DLC1: variants seen among roughly 807,000 people sequenced by gnomAD.
DLC1 encodes DLC1 Rho GTPase activating protein.
Under a neutral mutation model 140.3 loss-of-function variants are expected in DLC1, and 54 were observed. The ratio of observed to expected loss-of-function variants is 0.38; its 90% confidence interval spans 0.31 to 0.48. DLC1 has a LOEUF of 0.48. Among genes scored for constraint, DLC1 ranks in the 20% least tolerant of loss-of-function variants. DLC1 has a pLI of 0.96. For synonymous variants in DLC1, 986 were observed against 728.1 expected (o/e 1.35, Z -5.70); for missense variants, 2,536 against 1,907.0 (o/e 1.33, Z -6.14).
intron 2 of DLC1, among the ~76,000 whole-genome samples, chr8:13,442,797 G>A (rs1375640566): frequency 2.0e-5 from 3 of 152,214 alleles, no homozygotes; most frequent in Admixed American, 6.5e-5. Context: ...TCAGTGTGGT[G>A]ATTCCTCTGG....
At chr8:13,138,998 A>C (rs1485473003) in intron 5 of DLC1, among the ~76,000 whole-genome samples, 2 of 152,254 alleles carry the variant, frequency 1.3e-5, no homozygotes, top group African/African-American at 4.8e-5. Context: ...TTTTTAAGAG[A>C]GAGAAGCTGG....
Position 13,083,483 on chromosome 8 carries a change from C to A in DLC1, c.*2328G>T, listed in dbSNP as rs557875635. ...GCCCTCAAAGAGCTTACAATCTAGG[C>A]AATTAGTCACACAAATAAGTTGTGA... On this transcript the variant is annotated 3_prime_UTR_variant, in exon 18 of 18. Transcript: ENST00000276297. 14 of 152,202 alleles carry A rather than the reference C, an allele frequency of 9.2e-5. No homozygotes were observed. Among genetic ancestry groups the A allele is most frequent in the African/African-American group, 3.4e-4 (14 of 41,526 alleles). The allele number at this position is 152,202 out of a possible 1,614,324, so 9.4% of individuals were successfully genotyped here. A position where few individuals can be genotyped will look rare whatever the true frequency, so the allele number is the denominator to read the frequency against.
intron 1 of DLC1, among the ~76,000 whole-genome samples, chr8:13,526,138 C>A (rs1161479228): frequency 2.6e-5 from 4 of 152,124 alleles, no homozygotes; most frequent in Non-Finnish European, 4.4e-5. Flanking sequence ...ATGTGTCTTC[C>A]TGTTTCTAAA....
chr8:13,245,158 A>G (rs1221208374), intron 5 of DLC1, among the ~76,000 whole-genome samples: 2 of 152,172 alleles, frequency 1.3e-5, no homozygotes, highest in East Asian at 3.9e-4. Context: ...AAGAGGTCTG[A>G]CTGCCCTGAG....
chr8:13,490,059 C>A (rs12114084), intron 2 of DLC1, among the ~76,000 whole-genome samples: 109,892 of 152,010 alleles, frequency 0.72, 41,757 homozygotes, highest in Middle Eastern at 0.88. Context: ...ACACCCCCCA[C>A]TTTAGGTTGT....
intron 1 of DLC1, among the ~76,000 whole-genome samples, chr8:13,551,255 G>A (rs1447398616): frequency 6.6e-6 from 1 of 151,936 alleles, no homozygotes; most frequent in African/African-American, 2.4e-5. Context: ...GCTTTTAGAT[G>A]TTCAATCTAG....
chr8:13,492,763 A>T (rs4831237), intron 2 of DLC1, among the ~76,000 whole-genome samples: 1 of 152,082 alleles, frequency 6.6e-6, no homozygotes, highest in African/African-American at 2.4e-5. Context: ...TAGCGTTTTC[A>T]TTTATCTTAC....
rs144810839 is a variant in DLC1, at chr8:13,507,600, T to C, written c.-126+7002A>G. On this transcript the variant is annotated intron_variant, in intron 1 of 17. Coordinates refer to ENST00000276297, the MANE Select transcript of DLC1 (RefSeq NM_182643.3). The stretch of plus-strand genomic sequence containing the variant: ...TGTGTCTTAATCCCACACAAAATCA[T>C]TATTCCTCTACTTTTACATACTTTG... 2.3e-3 allele frequency among the ~76,000 whole-genome samples: 347 copies of C among 152,332 alleles called. 3 individuals are homozygous for C. Among genetic ancestry groups the C allele is most frequent in the African/African-American group, 7.6e-3 (315 of 41,584 alleles).
intron 2 of DLC1, among the ~76,000 whole-genome samples, chr8:13,447,678 G>A (rs1195679938): frequency 6.6e-6 from 1 of 152,116 alleles, no homozygotes; most frequent in Non-Finnish European, 1.5e-5. Context: ...TACAAAGAGG[G>A]TAGGTGAAGA....
rs865944909 is a variant in DLC1 at position 13,453,422 on chromosome 8, A to G, written c.1023+45627T>C. Among the ~76,000 whole-genome samples the G allele has an allele frequency of 9.5e-4, 31 of 32,572 alleles. 1 individual carries two copies. Among genetic ancestry groups the G allele is most frequent in the Non-Finnish European group, 1.3e-3 (28 of 21,024 alleles). 21.4% of individuals were successfully genotyped at this position (32,572 alleles called of 152,430 possible). On this transcript the variant is annotated intron_variant, in intron 2 of 17. Transcript: ENST00000276297. ...TATATGTGTATATATATATATATAT[A>G]TGTGTATATATATATGTATATATAT...
Position 13,532,379 on chromosome 8 carries a change from C to T in DLC1, c.-125-32183G>A, listed in dbSNP as rs148059143. On this transcript the variant is annotated intron_variant, in intron 1 of 1. Coordinates refer to the DLC1 transcript ENST00000631382. Reference sequence around the variant, plus strand: ...AATTAGGCCCTGAATTACATAGCTTCATAAGGTGGGATAAGAATAAGAACA... The same window carrying T: ...AATTAGGCCCTGAATTACATAGCTTTATAAGGTGGGATAAGAATAAGAACA... Among the ~76,000 whole-genome samples the T allele has an allele frequency of 4.1e-3, 622 of 152,304 alleles. 5 individuals carry two copies. The highest frequency in any genetic ancestry group is 0.014 in the African/African-American group (597 of 41,572).
At chr8:13,098,250 C>G in intron 10 of DLC1, 149 bp downstream of exon 10, 1 of 1,074,732 alleles carries the variant, frequency 9.3e-7, no homozygotes, top group Non-Finnish European at 1.3e-6. Flanking sequence ...AACAAACAAA[C>G]AAAAATGCAG....
intron 5 of DLC1, among the ~76,000 whole-genome samples, chr8:13,281,126 A>G (rs372670170): frequency 6.6e-6 from 1 of 152,338 alleles, no homozygotes; most frequent in South Asian, 2.1e-4. Flanking sequence ...TCTAGCGTGT[A>G]TGTTATATGC....
intron 2 of DLC1, among the ~76,000 whole-genome samples, chr8:13,497,237 G>T (rs565361041): frequency 1.3e-5 from 2 of 152,026 alleles, no homozygotes; most frequent in African/African-American, 4.8e-5. Context: ...TCTAAAAATG[G>T]CGAATTGCCA....
chr8:13,312,298 T>C (rs1455763624), intron 4 of DLC1, among the ~76,000 whole-genome samples: 1 of 116,528 alleles, frequency 8.6e-6, no homozygotes, highest in Non-Finnish European at 1.7e-5. Flanking sequence ...GAGGCGGAGC[T>C]TGCAGTGAGC....
intron 5 of DLC1, chr8:13,304,658 C>T: frequency 1.1e-6 from 1 of 938,166 alleles, no homozygotes; most frequent in Non-Finnish European, 1.3e-6. Flanking sequence ...TTACACAGAA[C>T]ACATAAGATA....
At chr8:13,281,724 T>C (rs1831372458) in intron 5 of DLC1, among the ~76,000 whole-genome samples, 1 of 152,132 alleles carries the variant, frequency 6.6e-6, no homozygotes, top group Admixed American at 6.5e-5. Context: ...AATATATCTA[T>C]ATGGGAAGAG....
At chr8:13,187,114 C>G (rs1826418128) in intron 5 of DLC1, among the ~76,000 whole-genome samples, 1 of 151,794 alleles carries the variant, frequency 6.6e-6, no homozygotes, top group East Asian at 2.0e-4. Context: ...AAACGTCACT[C>G]ACATTCCCCT....
chr8:13,475,058 C>T (rs1800379655), intron 2 of DLC1, among the ~76,000 whole-genome samples: 1 of 151,926 alleles, frequency 6.6e-6, no homozygotes. Context: ...AGTGATCCAT[C>T]CACTTCAGCC....
Sources: allele counts gnomAD v4.1 joint callset (sites outside exome capture counted in the v4.1 genomes callset), GRCh38; gene constraint gnomAD v4.1.1; transcripts MANE v1.5; gene names NCBI Gene and HGNC (gene_info 2026-07-23, HGNC 2026-07-21).